Variants in SYNE1 observed in about 807,000 individuals in gnomAD.
SYNE1 encodes nesprin-1.
SYNE1 carries 616 observed loss-of-function variants against 1,111.0 expected under a neutral mutation model. That is an observed-to-expected ratio of 0.55 (90% CI 0.52 to 0.59). SYNE1 has a LOEUF of 0.59. SYNE1 is among the 20% of genes least tolerant of loss of function. The pLI is 0.00. For synonymous variants in SYNE1, 3,855 were observed against 3,825.8 expected, an observed-to-expected ratio of 1.01 and a Z score of -0.28; for missense variants, 10,006 against 10,417.0, an observed-to-expected ratio of 0.96 and a Z score of 1.72.
chr6:152,199,350 T>C (rs527868078), intron 127 of SYNE1, among the ~76,000 whole-genome samples: 12 of 152,352 alleles, frequency 7.9e-5, no homozygotes, highest in Middle Eastern at 3.4e-3. Context: ...TCAAGCACTA[T>C]AGAGTTGCTA....
chr6:152,167,904 G>A (rs747863365), intron 130 of SYNE1: 21 of 756,448 alleles, frequency 2.8e-5, no homozygotes, highest in African/African-American at 5.1e-5. Context: ...TAACCTTTTT[G>A]TCCAGCTCTG....
chr6:152,376,632 A>T (rs1362754908), intron 57 of SYNE1, 74 bp from the exon 58 acceptor site: 1 of 1,585,340 alleles, frequency 6.3e-7, no homozygotes, highest in Non-Finnish European at 8.6e-7. Flanking sequence ...TGATAGAATC[A>T]CCAGTTCTTA....
intron 32 of SYNE1, among the ~76,000 whole-genome samples, chr6:152,440,615 T>G (rs2098520504): frequency 7.1e-6 from 1 of 141,208 alleles, no homozygotes; most frequent in Admixed American, 7.3e-5. Context: ...CTTGCCAGGC[T>G]GGAGTGCAGT....
At chr6:152,151,761 A>G in intron 134 of SYNE1, 71 bp from the exon 135 acceptor site, 1 of 1,562,284 alleles carries the variant, frequency 6.4e-7, no homozygotes, top group East Asian at 2.4e-5. Context: ...GAGATGGCAC[A>G]GCGAATTCCA....
intron 3 of SYNE1, among the ~76,000 whole-genome samples, chr6:152,595,899 A>C (rs577111606): frequency 6.6e-6 from 1 of 152,124 alleles, no homozygotes; most frequent in East Asian, 1.9e-4. Flanking sequence ...CAAATATTCT[A>C]TATCCTGAAT....
chr6:152,447,414 C>G, intron 29 of SYNE1, 44 bp downstream of exon 29: 1 of 1,601,760 alleles, frequency 6.2e-7, no homozygotes, highest in African/African-American at 1.3e-5. Context: ...CTTCCAGATG[C>G]CTCACTCAGA....
At chr6:152,617,673 G>A (rs1353215879) in intron 3 of SYNE1, among the ~76,000 whole-genome samples, 5 of 152,140 alleles carry the variant, frequency 3.3e-5, no homozygotes, top group African/African-American at 9.7e-5. Flanking sequence ...ATACACTAAT[G>A]GGGACAGAGC....
intron 51 of SYNE1, among the ~76,000 whole-genome samples, chr6:152,394,584 C>T (rs1387469251): frequency 1.3e-5 from 2 of 151,538 alleles, no homozygotes; most frequent in Non-Finnish European, 2.9e-5. Flanking sequence ...GGGAAAGGAG[C>T]CAGAAACGTT....
intron 129 of SYNE1, among the ~76,000 whole-genome samples, chr6:152,179,761 T>C (rs1366251394): frequency 7.5e-6 from 1 of 133,648 alleles, no homozygotes. Context: ...CTCGGCTCAC[T>C]GCAATCTCCG....
chr6:152,598,009 T>C (rs2099586665), intron 3 of SYNE1, among the ~76,000 whole-genome samples: 1 of 152,132 alleles, frequency 6.6e-6, no homozygotes, highest in South Asian at 2.1e-4. Context: ...CCATCCCTTA[T>C]TACATTTAAA....
intron 100 of SYNE1, among the ~76,000 whole-genome samples, chr6:152,266,125 C>A (rs1386661143): frequency 6.6e-6 from 1 of 152,002 alleles, no homozygotes; most frequent in East Asian, 1.9e-4. Flanking sequence ...TATAAGTAGT[C>A]TTTAAAGTGG....
At chr6:152,235,192 T>C (rs1296296127) in intron 110 of SYNE1, among the ~76,000 whole-genome samples, 1 of 152,172 alleles carries the variant, frequency 6.6e-6, no homozygotes, top group Non-Finnish European at 1.5e-5. Flanking sequence ...TGCTTCTCAA[T>C]CCATGTTTTC....
rs574216058 is a variant in SYNE1 at position 152,628,341 on chromosome 6, G to A, written c.-10C>T. 2.7e-5 allele frequency: 43 copies of A among 1,614,066 alleles called. No individual in the cohort carries two copies. The highest frequency in any genetic ancestry group is 2.8e-5 in the Non-Finnish European group (33 of 1,179,978). ...CTCTGGAGGTTGCCATGGTCCCTCCGGAAGCACGAAGCCAACACCAAGAGA... is the reference window on the plus strand; with the variant it reads ...CTCTGGAGGTTGCCATGGTCCCTCCAGAAGCACGAAGCCAACACCAAGAGA... On this transcript the variant is annotated 5_prime_UTR_variant, in exon 3 of 146. Transcript: ENST00000367255.
chr6:152,211,126 T>C (rs536741967), intron 124 of SYNE1, among the ~76,000 whole-genome samples: 3 of 152,294 alleles, frequency 2.0e-5, no homozygotes, highest in African/African-American at 7.2e-5. Context: ...TATGCTCCTT[T>C]TACAAAAAAA....
At chr6:152,602,274 T>TAA (rs2099598026) in intron 3 of SYNE1, among the ~76,000 whole-genome samples, 1 of 152,090 alleles carries the variant, frequency 6.6e-6, no homozygotes, top group Non-Finnish European at 1.5e-5. Context: ...TAATCTACGA[T>TAA]AACTAGTGTC....
intron 63 of SYNE1, chr6:152,363,786 C>G (rs1318018506): frequency 6.6e-6 from 3 of 455,592 alleles, no homozygotes; most frequent in South Asian, 1.6e-5. Flanking sequence ...TGAGGGGCAG[C>G]CCTCAACTGC....
rs1364570078 is a variant in SYNE1, at chr6:152,407,115, C to T, written c.6622G>A (p.Glu2208Lys). The T allele has an allele frequency of 3.1e-6, 5 of 1,614,012 alleles. No individual in the cohort carries two copies. The highest frequency in any genetic ancestry group is 4.2e-6 in the Non-Finnish European group (5 of 1,180,004). Residue 2208 changes from glutamate (E) to lysine (K), a missense_variant, in exon 45 of 146, where the codon GAG (glutamate) becomes AAG (lysine). Physicochemically the swap from Glu to Lys is moderately conservative, Grantham distance 56. Coordinates refer to ENST00000367255, the MANE Select transcript of SYNE1 (RefSeq NM_182961.4). ...IWDDVLSTRDEIEGWSNNCVP... is the reference protein window; with the variant it reads ...IWDDVLSTRDKIEGWSNNCVP... ...CAGTTGTTTGACCATCCCTCAATCT[C>T]ATCTCTAGTTGACAGTACATCATCC...
intron 124 of SYNE1, among the ~76,000 whole-genome samples, chr6:152,210,508 A>G (rs1433286338): frequency 2.0e-5 from 3 of 152,228 alleles, no homozygotes; most frequent in African/African-American, 7.2e-5. Flanking sequence ...TGTTGTTCCA[A>G]GCTTAACCAT....
At position 152,139,901 on chromosome 6, in the gene SYNE1, C is replaced by T. The variant is rs912861966; in HGVS notation, c.25458+49G>A. ...GAGGTGCCATCTGCACGGTCGTTCA[C>T]GCGGTGGCTCTCTGTTTGTCCGCCG... On this transcript the variant is annotated intron_variant, in intron 140 of 145. Coordinates refer to ENST00000367255, the MANE Select transcript of SYNE1 (RefSeq NM_182961.4). 1.0e-5 allele frequency: 16 copies of T among 1,579,386 alleles called. No individual in the cohort carries two copies. The East Asian group carries it at 1.8e-4, about 18-fold the overall frequency.
Sources: allele counts gnomAD v4.1 joint callset (sites outside exome capture counted in the v4.1 genomes callset), GRCh38; gene constraint gnomAD v4.1.1; transcripts MANE v1.5; gene names NCBI Gene and HGNC (gene_info 2026-07-23, HGNC 2026-07-21).